Variants in RARB observed in about 807,000 individuals in gnomAD.
RARB encodes retinoic acid receptor beta, also known as HBV-activated protein.
A neutral mutation model predicts 51.9 loss-of-function variants in RARB; 17 were observed. The observed-to-expected ratio is 0.33, with a 90% CI of 0.22 to 0.49. The LOEUF (loss-of-function observed/expected upper bound fraction) is 0.49, where lower values mean the gene tolerates loss of function less well. RARB is among the 20% of genes least tolerant of loss of function. The probability of loss-of-function intolerance (pLI) is 0.99; values close to 1 mark genes in which losing one functional copy is unlikely to be tolerated. For missense variants in RARB, 369 were observed against 550.8 expected (o/e 0.67, Z 3.30); for synonymous variants, 215 against 195.4 (o/e 1.10, Z -0.84).
rs148031463 is a variant in RARB at position 24,928,031 on chromosome 3, G to A, written c.-380+69279G>A. On this transcript the variant is annotated intron_variant, in intron 2 of 11. Coordinates refer to the RARB transcript ENST00000383772. Reference sequence around the variant, plus strand: ...CTAATAGGAAAGGAGACACCCAAGGGGTTATAAATATTTTTGAACAGAGCA... The same window carrying A: ...CTAATAGGAAAGGAGACACCCAAGGAGTTATAAATATTTTTGAACAGAGCA... 7.5e-3 allele frequency among the ~76,000 whole-genome samples: 1,140 copies of A among 151,990 alleles called. 6 individuals are homozygous for A. The highest frequency in any genetic ancestry group is 0.012 in the Non-Finnish European group (834 of 67,922).
intron 3 of RARB, among the ~76,000 whole-genome samples, chr3:25,079,386 A>G (rs1205461646): frequency 1.3e-5 from 2 of 152,216 alleles, no homozygotes; most frequent in African/African-American, 4.8e-5. Context: ...TGTGCCAGAC[A>G]GAACCTCTAA....
At chr3:25,254,178 G>A (rs938419256) in intron 5 of RARB, among the ~76,000 whole-genome samples, 2 of 152,124 alleles carry the variant, frequency 1.3e-5, no homozygotes, top group Admixed American at 6.5e-5. Flanking sequence ...AATACATCAT[G>A]GAATAAGGAG....
At chr3:25,481,794 C>G (rs986683912) in intron 2 of RARB, among the ~76,000 whole-genome samples, 2 of 152,330 alleles carry the variant, frequency 1.3e-5, no homozygotes, top group African/African-American at 2.4e-5. Context: ...TTTGTGAACA[C>G]TTCTGTCTGT....
At position 24,939,876 on chromosome 3, in the gene RARB, A is replaced by G. The variant is rs150545683; in HGVS notation, c.-380+81124A>G. On this transcript the variant is annotated intron_variant, in intron 2 of 11. Coordinates refer to the RARB transcript ENST00000383772. Reference sequence around the variant, plus strand: ...GGTATGACCATGACTACTAACATACATAACACTGAGAAGGAAGTTCTCAAT... The same window carrying G: ...GGTATGACCATGACTACTAACATACGTAACACTGAGAAGGAAGTTCTCAAT... Among the ~76,000 whole-genome samples, 876 of 152,362 alleles carry G rather than the reference A, an allele frequency of 5.7e-3. 9 individuals carry two copies. The highest frequency in any genetic ancestry group is 0.02 in the African/African-American group (834 of 41,590).
chr3:24,908,667 T>TG (rs1381717913), intron 2 of RARB, among the ~76,000 whole-genome samples: 2 of 115,014 alleles, frequency 1.7e-5, no homozygotes, highest in Non-Finnish European at 3.3e-5. Context: ...ACAACTGTTT[T>TG]TTTTTTTTTT....
At chr3:25,354,096 G>C (rs1705658605) in intron 5 of RARB, among the ~76,000 whole-genome samples, 1 of 127,448 alleles carries the variant, frequency 7.8e-6, no homozygotes, top group African/African-American at 3.0e-5. Flanking sequence ...GGTCCACTTA[G>C]AGAATGTGAT....
At chr3:24,892,334 A>C (rs35653704) in intron 2 of RARB, among the ~76,000 whole-genome samples, 2,059 of 152,130 alleles carry the variant, frequency 0.014, 18 homozygotes, top group Non-Finnish European at 0.021. Flanking sequence ...GAGATGGTAC[A>C]TTATAATCCA....
chr3:25,091,160 G>A (rs542558704), intron 3 of RARB, among the ~76,000 whole-genome samples: 1 of 152,144 alleles, frequency 6.6e-6, no homozygotes, highest in South Asian at 2.1e-4. Context: ...AGTCCCCTGG[G>A]CAAGCCCACG....
At chr3:24,971,964 A>T (rs1329809822) in intron 2 of RARB, among the ~76,000 whole-genome samples, 1 of 143,116 alleles carries the variant, frequency 7.0e-6, no homozygotes, top group African/African-American at 2.6e-5. Context: ...ATTCAGGGTA[A>T]TCTGTCACCT....
intron 5 of RARB, among the ~76,000 whole-genome samples, chr3:25,175,724 T>C (rs1339590023): frequency 6.6e-6 from 1 of 152,212 alleles, no homozygotes; most frequent in South Asian, 2.1e-4. Flanking sequence ...ATATCATTCC[T>C]GATAAACAGT....
At chr3:25,190,160 G>A (rs568369780) in intron 5 of RARB, among the ~76,000 whole-genome samples, 1 of 151,068 alleles carries the variant, frequency 6.6e-6, no homozygotes, top group East Asian at 2.0e-4. Flanking sequence ...ATAGTATCTA[G>A]AACTTTCCCA....
At chr3:25,216,512 A>C (rs1422983534) in intron 5 of RARB, among the ~76,000 whole-genome samples, 2 of 151,638 alleles carry the variant, frequency 1.3e-5, no homozygotes, top group African/African-American at 4.8e-5. Context: ...GCATGTTCTC[A>C]CTCATAAGTA....
At chr3:24,869,512 T>C (rs966385430) in intron 2 of RARB, among the ~76,000 whole-genome samples, 38 of 152,142 alleles carry the variant, frequency 2.5e-4, no homozygotes, top group African/African-American at 8.9e-4. Context: ...AGAGAATGAA[T>C]CCCTTCACAA....
At chr3:25,519,816 G>T (rs148625613) in intron 3 of RARB, among the ~76,000 whole-genome samples, 10 of 152,306 alleles carry the variant, frequency 6.6e-5, no homozygotes, top group African/African-American at 2.4e-4. Context: ...ACTAAGTAAT[G>T]TTGGGCATTG....
rs148637859 is a variant in RARB, at chr3:25,432,152, G to C, written c.157+3264G>C. Reference sequence around the variant, plus strand: ...TAAATCGCAAAGAGAGTACAGGCAGGGTTGTGGGTTGTTCGAAAACAAGTG... The same window carrying C: ...TAAATCGCAAAGAGAGTACAGGCAGCGTTGTGGGTTGTTCGAAAACAAGTG... On this transcript the variant is annotated intron_variant, in intron 1 of 7. Coordinates refer to ENST00000330688, the MANE Select transcript of RARB (RefSeq NM_000965.5). Among the ~76,000 whole-genome samples the C allele has an allele frequency of 2.0e-4, 30 of 152,200 alleles. 1 individual carries two copies. The highest frequency in any genetic ancestry group is 6.2e-4 in the South Asian group (3 of 4,826).
chr3:25,087,282 AGAG>A (rs748024902), intron 3 of RARB, among the ~76,000 whole-genome samples: 3 of 152,136 alleles, frequency 2.0e-5, no homozygotes, highest in Non-Finnish European at 4.4e-5. Flanking sequence ...CCCTTGGCTG[AGAG>A]GAGGAGTCCA....
rs552369557 is a variant in RARB at position 25,013,165 on chromosome 3, AG to A, written c.-379-46959del. Among the ~76,000 whole-genome samples the A allele has an allele frequency of 9.3e-4, 141 of 152,228 alleles. 1 individual carries two copies. Among genetic ancestry groups the A allele is most frequent in the Non-Finnish European group, 1.9e-3 (126 of 68,000 alleles). Reference sequence around the variant, plus strand: ...GTGGTTGCAGACAGCATTGCCTTGAAGAAATGACTGAATAGTTACATTAGGT... The same window carrying A: ...GTGGTTGCAGACAGCATTGCCTTGAAAAATGACTGAATAGTTACATTAGGT... On this transcript the variant is annotated intron_variant, in intron 2 of 11. Transcript: ENST00000383772.
intron 1 of RARB, among the ~76,000 whole-genome samples, chr3:25,444,546 A>C (rs961652192): frequency 1.3e-5 from 2 of 152,188 alleles, no homozygotes; most frequent in African/African-American, 4.8e-5. Context: ...GCTCATATGA[A>C]ACAGATGTTT....
chr3:25,370,605 G>C (rs1321855975), intron 5 of RARB, among the ~76,000 whole-genome samples: 1 of 152,220 alleles, frequency 6.6e-6, no homozygotes, highest in Non-Finnish European at 1.5e-5. Flanking sequence ...TTAGGTAGTA[G>C]AGGCAGGCCT....
Sources: gnomAD v4.1 joint callset for allele counts (sites outside exome capture counted in the v4.1 genomes callset) on GRCh38, gnomAD v4.1.1 for gene constraint, MANE v1.5 for transcripts, NCBI Gene and HGNC (gene_info 2026-07-23, HGNC 2026-07-21) for gene names.